The following STX18 variants were observed in gnomAD, a reference collection of about 807,000 sequenced individuals.
STX18 encodes the protein syntaxin-18.
A neutral mutation model predicts 50.1 loss-of-function variants in STX18; 40 were observed. That is an observed-to-expected ratio of 0.80 (90% CI 0.62 to 1.04). The LOEUF (loss-of-function observed/expected upper bound fraction) is 1.04. Among genes scored for constraint, STX18 ranks in the 50% least tolerant of loss-of-function variants. The pLI is 0.00. For missense variants in STX18, 410 were observed against 415.8 expected (o/e 0.99, Z 0.12); for synonymous variants, 158 against 151.8 (o/e 1.04, Z -0.30).
chr4:4,507,630 A>C, intron 1 of STX18: 1 of 764,948 alleles, frequency 1.3e-6, no homozygotes, highest in East Asian at 2.5e-5. Flanking sequence ...GGGCAAGAGA[A>C]TTCACGTGAA....
At chr4:4,446,490 T>C (rs1726416389) in intron 5 of STX18, among the ~76,000 whole-genome samples, 1 of 152,112 alleles carries the variant, frequency 6.6e-6, no homozygotes, top group African/African-American at 2.4e-5. Flanking sequence ...AATACAGAAA[T>C]GAGTAAAAGA....
rs1020808883 is a variant in STX18 at position 4,425,270 on chromosome 4, C to A, written c.703-48G>T. 5.2e-6 allele frequency: 8 copies of A among 1,549,126 alleles called. No individual in the cohort carries two copies. The African/African-American group carries it at 8.2e-5, about 16-fold the overall frequency. On this transcript the variant is annotated intron_variant, in intron 7 of 10. Coordinates refer to ENST00000306200, the MANE Select transcript of STX18 (RefSeq NM_016930.4). The stretch of plus-strand genomic sequence containing the variant: ...AGGATGACATCATACTGAACTTAGG[C>A]AAGAGTCTAGCAAGAAAGCGGACCT...
In STX18 at chr4:4,511,713, A is replaced by AGTGTGTGTGTGTGTGT. The variant is rs3038434; in HGVS notation, c.168+30068_168+30083dup. Among the ~76,000 whole-genome samples, 14 of 137,504 alleles carry AGTGTGTGTGTGTGTGT rather than the reference A, an allele frequency of 1.0e-4. No individual in the cohort carries two copies. In the East Asian group the frequency reaches 1.3e-3, roughly 13 times the overall value. The allele number at this position is 137,504 out of a possible 152,430, so 90.2% of individuals were successfully genotyped here. A position where few individuals can be genotyped will look rare whatever the true frequency, so the allele number is the denominator to read the frequency against. On this transcript the variant is annotated intron_variant, in intron 1 of 10. Coordinates refer to ENST00000306200, the MANE Select transcript of STX18 (RefSeq NM_016930.4). ...CAATCACCAAACAACACTCATGATT[A>AGTGTGTGTGTGTGTGT]GTGTGTGTGTGTGTGTGTGTGTGTG...
intron 1 of STX18, among the ~76,000 whole-genome samples, chr4:4,510,701 C>T (rs965459661): frequency 6.6e-6 from 1 of 152,074 alleles, no homozygotes; most frequent in Non-Finnish European, 1.5e-5. Flanking sequence ...GACACATGCA[C>T]ATGTATGTTT....
chr4:4,482,581 A>G (rs982542034), intron 1 of STX18, among the ~76,000 whole-genome samples: 1 of 152,234 alleles, frequency 6.6e-6, no homozygotes, highest in Admixed American at 6.5e-5. Flanking sequence ...TGGCTAAAGG[A>G]GCCAGCTCCA....
At chr4:4,537,063 C>T (rs1577413972) in intron 1 of STX18, among the ~76,000 whole-genome samples, 2 of 152,340 alleles carry the variant, frequency 1.3e-5, no homozygotes, top group East Asian at 1.9e-4. Flanking sequence ...GTAGCCCCTG[C>T]TGCCTCTGCA....
chr4:4,531,882 C>CTT (rs1017601482), intron 1 of STX18, among the ~76,000 whole-genome samples: 1 of 151,996 alleles, frequency 6.6e-6, no homozygotes, highest in Non-Finnish European at 1.5e-5. Context: ...CATTTTTTGT[C>CTT]TTTTTAAGAG....
At chr4:4,492,850 C>A (rs1729002897) in intron 1 of STX18, among the ~76,000 whole-genome samples, 1 of 152,058 alleles carries the variant, frequency 6.6e-6, no homozygotes, top group Non-Finnish European at 1.5e-5. Context: ...ATAACAAACT[C>A]CTCAAATATT....
At position 4,471,714 on chromosome 4, in the gene STX18, TA is replaced by T. The variant is rs1560180968; in HGVS notation, c.169-9del. 6.4e-7 allele frequency: 1 copy of T among 1,574,156 alleles called. No homozygotes were observed. ...TTTGCCAATGTGAGAAATCTAAAAT[TA>T]AAAAAGAAAGCCAACAGTTTATATA... On this transcript the variant is annotated splice_polypyrimidine_tract_variant and intron_variant, in intron 1 of 10. Transcript: ENST00000306200.
At chr4:4,457,533 G>A (rs114891587) in intron 3 of STX18, 33 bp from the exon 4 acceptor site, 80 of 1,532,170 alleles carry the variant, frequency 5.2e-5, no homozygotes, top group Non-Finnish European at 5.6e-5. Flanking sequence ...TCAGGCCTTC[G>A]CACTCAATTA....
chr4:4,420,828 G>C lies in STX18; in HGVS notation c.912+36C>G. On this transcript the variant is annotated intron_variant, in intron 10 of 10. Transcript: ENST00000306200. The surrounding 1 kb of genome is among the most constrained non-coding windows in gnomAD (Gnocchi z 4.3). ...ACCCGCTGCTGGGACTCAGTGCTGCGCCACGTCGCACCTGGGGAACCTAAA... is the reference window on the plus strand; with the variant it reads ...ACCCGCTGCTGGGACTCAGTGCTGCCCCACGTCGCACCTGGGGAACCTAAA... 1 of 1,581,618 alleles carries C rather than the reference G, an allele frequency of 6.3e-7. No homozygotes were observed. The highest frequency in any genetic ancestry group is 8.7e-7 in the Non-Finnish European group (1 of 1,150,836).
chr4:4,434,732 C>A, intron 7 of STX18, 38 bp downstream of exon 7: 1 of 1,543,272 alleles, frequency 6.5e-7, no homozygotes. Context: ...TTATGAAAAC[C>A]AGTTAAAAAT....
chr4:4,503,096 G>A (rs1176973629), intron 1 of STX18, among the ~76,000 whole-genome samples: 1 of 152,076 alleles, frequency 6.6e-6, no homozygotes, highest in East Asian at 1.9e-4. Context: ...TTGTCGTCTG[G>A]CAGGTCACTA....
At chr4:4,446,412 G>A (rs1476719855) in intron 5 of STX18, among the ~76,000 whole-genome samples, 2 of 152,208 alleles carry the variant, frequency 1.3e-5, no homozygotes, top group African/African-American at 2.4e-5. Context: ...TTTGCAGCAT[G>A]TATATAAGGA....
At chr4:4,475,983 A>C (rs1728155596) in intron 1 of STX18, 1 of 152,178 alleles carries the variant, frequency 6.6e-6, no homozygotes, top group Non-Finnish European at 1.5e-5. Context: ...ACTTAATATG[A>C]TAAAGTAGGA....
At chr4:4,455,331 AT>A (rs1560172282) in intron 5 of STX18, among the ~76,000 whole-genome samples, 1 of 152,256 alleles carries the variant, frequency 6.6e-6, no homozygotes, top group African/African-American at 2.4e-5. Flanking sequence ...AGTGCATTAT[AT>A]AATAGTAGCT....
chr4:4,516,937 C>T (rs373770041), intron 1 of STX18, among the ~76,000 whole-genome samples: 16 of 152,304 alleles, frequency 1.1e-4, no homozygotes, highest in East Asian at 3.9e-4. Flanking sequence ...TATTTCCAAA[C>T]ATCCCATATT....
chr4:4,488,908 T>G (rs1285398121), intron 1 of STX18, among the ~76,000 whole-genome samples: 1 of 152,164 alleles, frequency 6.6e-6, no homozygotes, highest in Non-Finnish European at 1.5e-5. Context: ...GCAAAGAGAA[T>G]AGCAAAAGCA....
chr4:4,501,601 TC>T (rs918204061), intron 1 of STX18, among the ~76,000 whole-genome samples: 126 of 152,300 alleles, frequency 8.3e-4, no homozygotes, highest in African/African-American at 3.0e-3. Flanking sequence ...ATGATTCTTA[TC>T]TTTTGCTGTG....
Sources: gnomAD v4.1 joint callset for allele counts (sites outside exome capture counted in the v4.1 genomes callset) on GRCh38, gnomAD v4.1.1 for gene constraint, Gnocchi (gnomAD v3.1) non-coding constraint, MANE v1.5 for transcripts, NCBI Gene and HGNC (gene_info 2026-07-23, HGNC 2026-07-21) for gene names.